The following CELSR1 variants were observed in gnomAD, a reference collection of about 807,000 sequenced individuals.
CELSR1 encodes the protein cadherin EGF LAG seven-pass G-type receptor 1, also known as adhesion G protein-coupled receptor C1.
In CELSR1, 110 loss-of-function variants were observed where a neutral mutation model predicts 249.1. The ratio of observed to expected loss-of-function variants is 0.44; its 90% confidence interval spans 0.38 to 0.52. CELSR1 has a LOEUF of 0.52. Ranked by LOEUF, CELSR1 falls within the 20% of genes least tolerant of loss-of-function variation. CELSR1 has a pLI of 0.00. For missense variants in CELSR1, 4,109 were observed against 4,296.4 expected (o/e 0.96, Z 1.22); for synonymous variants, 2,113 against 1,900.0 (o/e 1.11, Z -2.92).
Position 46,399,671 on chromosome 22 carries a change from C to A in CELSR1, c.5412+46G>T, listed in dbSNP as rs1383666358. 1.3e-6 allele frequency: 2 copies of A among 1,586,298 alleles called. No individual in the cohort carries two copies. Among genetic ancestry groups the A allele is most frequent in the Middle Eastern group, 1.7e-4 (1 of 5,980 alleles). On this transcript the variant is annotated intron_variant, in intron 10 of 34. Coordinates refer to ENST00000674500, the MANE Select transcript of CELSR1 (RefSeq NM_001378328.1). This position sits in a 1 kb window ranked among gnomAD's most constrained non-coding sequence, Gnocchi z 5.0. ...AGGGGTCATTCTGTTTTTCCCTGGG[C>A]CGGAGGAAGGGTCTATCCCCAGAGG...
At chr22:46,520,518 T>C (rs1250350140) in intron 1 of CELSR1, among the ~76,000 whole-genome samples, 1 of 152,180 alleles carries the variant, frequency 6.6e-6, no homozygotes, top group Non-Finnish European at 1.5e-5. Flanking sequence ...TAGTGTAAAA[T>C]GGCCTGATCT....
chr22:46,517,020 G>C lies in CELSR1; in HGVS notation c.3544+16607C>G, dbSNP rs1045364759. ...AACCTTTATCACCCATAAGGGATGA[G>C]CTGGGCTCATCCACTTCCTGAGGCT... On this transcript the variant is annotated intron_variant, in intron 1 of 34. Transcript: ENST00000674500. The surrounding 1 kb of genome is among the most constrained non-coding windows in gnomAD (Gnocchi z 5.4). 1.3e-5 allele frequency among the ~76,000 whole-genome samples: 2 copies of C among 152,236 alleles called. No individual in the cohort carries two copies. Among genetic ancestry groups the C allele is most frequent in the Non-Finnish European group, 2.9e-5 (2 of 68,042 alleles).
At position 46,506,641 on chromosome 22, in the gene CELSR1, A is replaced by G. The variant is rs1351253489; in HGVS notation, c.3544+26986T>C. Among the ~76,000 whole-genome samples, 1 of 152,128 alleles carries G rather than the reference A, an allele frequency of 6.6e-6. No homozygotes were observed. The highest frequency in any genetic ancestry group is 1.5e-5 in the Non-Finnish European group (1 of 68,004). On this transcript the variant is annotated intron_variant, in intron 1 of 34. Transcript: ENST00000674500. This position sits in a 1 kb window ranked among gnomAD's most constrained non-coding sequence, Gnocchi z 4.1. ...TGTTTCTAGGACTTTCAACATCTACATTCTAGATCAGTTTTCAGGGCATAC... is the reference window on the plus strand; with the variant it reads ...TGTTTCTAGGACTTTCAACATCTACGTTCTAGATCAGTTTTCAGGGCATAC...
intron 23 of CELSR1, chr22:46,377,521 C>T: frequency 1.9e-6 from 1 of 520,858 alleles, no homozygotes; most frequent in Non-Finnish European, 3.5e-6. Context: ...GGGGGCCGTT[C>T]AGAGACCTCT....
At chr22:46,519,498 G>C (rs6008888) in intron 1 of CELSR1, among the ~76,000 whole-genome samples, 6,624 of 152,294 alleles carry the variant, frequency 0.043, 500 homozygotes, top group African/African-American at 0.15. Flanking sequence ...TTGGCCCGGG[G>C]AGCAGCGGTC....
chr22:46,378,386 A>G (rs765166736), intron 23 of CELSR1, among the ~76,000 whole-genome samples: 4 of 152,332 alleles, frequency 2.6e-5, no homozygotes, highest in Admixed American at 6.5e-5. Flanking sequence ...ACTCTGGCCA[A>G]TCCTCGAATA....
At chr22:46,485,713 G>C (rs2080306313) in intron 1 of CELSR1, among the ~76,000 whole-genome samples, 1 of 152,182 alleles carries the variant, frequency 6.6e-6, no homozygotes, top group African/African-American at 2.4e-5. Context: ...GTGTGGCGGG[G>C]ACCGTTGACG....
Position 46,390,375 on chromosome 22 carries a change from C to T in CELSR1, c.6345+17G>A. 2.5e-6 allele frequency: 4 copies of T among 1,600,232 alleles called. No individual in the cohort carries two copies. The highest frequency in any genetic ancestry group is 3.4e-6 in the Non-Finnish European group (4 of 1,170,408). On this transcript the variant is annotated intron_variant, in intron 17 of 34. Transcript: ENST00000674500. The surrounding 1 kb of genome is among the most constrained non-coding windows in gnomAD (Gnocchi z 6.3). ...ACACGTGCCCCTGCTGAACACACAT[C>T]CCCGAGGCGCCCCTACCATGGCCCT...
At chr22:46,400,189 G>A (rs1386684141) in intron 9 of CELSR1, among the ~76,000 whole-genome samples, 1 of 150,986 alleles carries the variant, frequency 6.6e-6, no homozygotes, top group Non-Finnish European at 1.5e-5. Flanking sequence ...AATTAGCTAG[G>A]TGTGGTGGTA....
At chr22:46,501,425 C>T (rs1163059928) in intron 1 of CELSR1, among the ~76,000 whole-genome samples, 1 of 152,044 alleles carries the variant, frequency 6.6e-6, no homozygotes, top group Non-Finnish European at 1.5e-5. Context: ...AGGCTGGTCT[C>T]AAATTCCTGA....
At chr22:46,493,623 T>A (rs370646063) in intron 1 of CELSR1, among the ~76,000 whole-genome samples, 1 of 152,186 alleles carries the variant, frequency 6.6e-6, no homozygotes, top group Admixed American at 6.5e-5. Flanking sequence ...CATCTTGAAT[T>A]GTAGCTCCCA....
At chr22:46,439,444 G>A (rs1156274035) in intron 2 of CELSR1, 33 bp from the exon 3 acceptor site, 3 of 1,565,548 alleles carry the variant, frequency 1.9e-6, no homozygotes, top group Non-Finnish European at 2.6e-6. Context: ...CAGAGAGGAG[G>A]TTACCGACCA....
Position 46,411,808 on chromosome 22 carries a change from C to T in CELSR1, c.4612-49G>A. On this transcript the variant is annotated intron_variant, in intron 5 of 34. Coordinates refer to ENST00000674500, the MANE Select transcript of CELSR1 (RefSeq NM_001378328.1). The surrounding 1 kb of genome is among the most constrained non-coding windows in gnomAD (Gnocchi z 4.2). ...GGTGTCAGCGTTTTCTCCACCAGTG[C>T]CCTCAGCAGGCGCACCTGTCACTCA... 1 of 1,608,846 alleles carries T rather than the reference C, an allele frequency of 6.2e-7. No homozygotes were observed. Among genetic ancestry groups the T allele is most frequent in the Non-Finnish European group, 8.5e-7 (1 of 1,178,476 alleles).
intron 1 of CELSR1, among the ~76,000 whole-genome samples, chr22:46,529,780 G>A (rs2080773946): frequency 6.6e-6 from 1 of 151,206 alleles, no homozygotes; most frequent in East Asian, 1.9e-4. Context: ...TCTAGGCTGG[G>A]AGATACAGTG....
At chr22:46,485,929 CTTTTTTTTTTTTT>C (rs77749125) in intron 1 of CELSR1, among the ~76,000 whole-genome samples, 11 of 104,760 alleles carry the variant, frequency 1.1e-4, no homozygotes, top group South Asian at 5.3e-4. Context: ...CTTTCAGGTA[CTTTTTTTTTTTTT>C]TTTTTTTTTT....
At chr22:46,523,723 G>T (rs1327591781) in intron 1 of CELSR1, among the ~76,000 whole-genome samples, 1 of 151,992 alleles carries the variant, frequency 6.6e-6, no homozygotes, top group Non-Finnish European at 1.5e-5. Context: ...CTCTGAGCAG[G>T]CTCCTCATCT....
rs973192640 is a variant in CELSR1, at chr22:46,406,818, A to G, written c.5226+2178T>C. 5.3e-5 allele frequency among the ~76,000 whole-genome samples: 8 copies of G among 152,054 alleles called. No homozygotes were observed. The highest frequency in any genetic ancestry group is 1.2e-4 in the Non-Finnish European group (8 of 68,010). ...CTCCGTAAAATCCATCTCACCTCTC[A>G]CCATCTGACCTTAGCCCAGCTTCCC... On this transcript the variant is annotated intron_variant, in intron 9 of 34. Coordinates refer to ENST00000674500, the MANE Select transcript of CELSR1 (RefSeq NM_001378328.1). This position sits in a 1 kb window ranked among gnomAD's most constrained non-coding sequence, Gnocchi z 5.4.
chr22:46,398,487 G>T lies in CELSR1; in HGVS notation c.5526+37C>A, dbSNP rs1277182844. The T allele has an allele frequency of 2.7e-6, 4 of 1,483,784 alleles. No homozygotes were observed. The South Asian group carries it at 4.8e-5, about 18-fold the overall frequency. The allele number at this position is 1,483,784 out of a possible 1,614,324, so 91.9% of individuals were successfully genotyped here. On this transcript the variant is annotated intron_variant, in intron 11 of 34. Coordinates refer to ENST00000674500, the MANE Select transcript of CELSR1 (RefSeq NM_001378328.1). This position sits in a 1 kb window ranked among gnomAD's most constrained non-coding sequence, Gnocchi z 7.2. ...GCCAGCCTCGGAGCTGCCTGTGAGG[G>T]GCAGGCCTCCCCCCGCCCCCCACAA...
Position 46,513,137 on chromosome 22 carries a change from G to A in CELSR1, c.3544+20490C>T, listed in dbSNP as rs55728429. On this transcript the variant is annotated intron_variant, in intron 1 of 34. Coordinates refer to ENST00000674500, the MANE Select transcript of CELSR1 (RefSeq NM_001378328.1). ...CATCACGGGCGCCTCTCAAAATCAC[G>A]CGACTGGGGACAATACACCTGGGGA... 4.2e-3 allele frequency among the ~76,000 whole-genome samples: 644 copies of A among 152,238 alleles called. 3 individuals are homozygous for A. Among genetic ancestry groups the A allele is most frequent in the African/African-American group, 0.015 (617 of 41,534 alleles).
Sources: allele counts gnomAD v4.1 joint callset (sites outside exome capture counted in the v4.1 genomes callset), GRCh38; gene constraint gnomAD v4.1.1; non-coding constraint Gnocchi (gnomAD v3.1); transcripts MANE v1.5; gene names NCBI Gene and HGNC (gene_info 2026-07-23, HGNC 2026-07-21).